ERBB4: variants seen among roughly 807,000 people sequenced by gnomAD.
ERBB4 encodes erb-b2 receptor tyrosine kinase 4.
In ERBB4, 42 loss-of-function variants were observed where a neutral mutation model predicts 158.0. That is an observed-to-expected ratio of 0.27 (90% CI 0.21 to 0.34). The LOEUF (loss-of-function observed/expected upper bound fraction) is 0.34, where lower values mean the gene tolerates loss of function less well. Ranked by LOEUF, ERBB4 falls within the 10% of genes least tolerant of loss-of-function variation. The pLI, the probability that ERBB4 is intolerant of heterozygous loss-of-function variation, is 1.00. For missense variants in ERBB4, 1,333 were observed against 1,624.1 expected (o/e 0.82, Z 3.08); for synonymous variants, 583 against 558.7 (o/e 1.04, Z -0.61).
intron 2 of ERBB4, among the ~76,000 whole-genome samples, chr2:212,115,787 G>A (rs978957337): frequency 2.0e-5 from 3 of 152,016 alleles, no homozygotes; most frequent in South Asian, 2.1e-4. Context: ...GTGATTGCAG[G>A]TGTGAGCCAC....
chr2:211,667,910 A>G (rs1383511823), intron 14 of ERBB4, among the ~76,000 whole-genome samples: 1 of 152,206 alleles, frequency 6.6e-6, no homozygotes, highest in Non-Finnish European at 1.5e-5. Context: ...TCTCTTAACT[A>G]TAGTCATGTG....
At chr2:211,392,049 G>A (rs150742504) in intron 25 of ERBB4, among the ~76,000 whole-genome samples, 31 of 152,150 alleles carry the variant, frequency 2.0e-4, no homozygotes, top group African/African-American at 5.5e-4. Context: ...TCTGTAAGAC[G>A]TTGCTAATCC....
chr2:211,623,570 A>G (rs1405155081), intron 18 of ERBB4, among the ~76,000 whole-genome samples: 2 of 152,200 alleles, frequency 1.3e-5, no homozygotes, highest in African/African-American at 4.8e-5. Context: ...TCTGGGGTTC[A>G]TGGAGCACTG....
At chr2:212,448,475 C>T (rs2092396759) in intron 1 of ERBB4, among the ~76,000 whole-genome samples, 1 of 152,148 alleles carries the variant, frequency 6.6e-6, no homozygotes, top group Non-Finnish European at 1.5e-5. Context: ...TGTATTCAGC[C>T]ATGTGTATAA....
At chr2:211,929,986 G>C (rs12233228) in intron 3 of ERBB4, among the ~76,000 whole-genome samples, 3,949 of 152,172 alleles carry the variant, frequency 0.026, 179 homozygotes, top group East Asian at 0.2. Flanking sequence ...TTCCAGGTAT[G>C]TGTCAATATT....
chr2:211,886,491 A>G (rs2078804795), intron 3 of ERBB4, among the ~76,000 whole-genome samples: 1 of 152,232 alleles, frequency 6.6e-6, no homozygotes, highest in Admixed American at 6.5e-5. Context: ...ATAATTTCTA[A>G]CTAAAAATTT....
At chr2:211,973,228 G>A (rs905790272) in intron 2 of ERBB4, among the ~76,000 whole-genome samples, 1 of 149,662 alleles carries the variant, frequency 6.7e-6, no homozygotes, top group Non-Finnish European at 1.5e-5. Context: ...TTGAAATGGA[G>A]TCTCGCTCTT....
chr2:212,536,997 C>T (rs928721821), intron 1 of ERBB4, among the ~76,000 whole-genome samples: 2 of 152,052 alleles, frequency 1.3e-5, no homozygotes, highest in Non-Finnish European at 2.9e-5. Context: ...GGCTGGAGCG[C>T]GGGACCTGGT....
intron 1 of ERBB4, among the ~76,000 whole-genome samples, chr2:212,302,125 T>A (rs1258348765): frequency 1.3e-5 from 2 of 151,540 alleles, no homozygotes; most frequent in East Asian, 3.9e-4. Flanking sequence ...AGACATGTGA[T>A]CTTGGGCAAG....
intron 1 of ERBB4, among the ~76,000 whole-genome samples, chr2:212,145,557 G>C (rs1191768412): frequency 6.6e-6 from 1 of 151,978 alleles, no homozygotes; most frequent in Non-Finnish European, 1.5e-5. Flanking sequence ...TTGCTATTCA[G>C]ACTTCCAGTG....
rs1553576307 is a variant in ERBB4, at chr2:211,580,907, A to ATACACAC, written c.2302-18820_2302-18819insGTGTGTA. 1.5e-4 allele frequency among the ~76,000 whole-genome samples: 14 copies of ATACACAC among 91,800 alleles called. 2 individuals are homozygous for ATACACAC. The highest frequency in any genetic ancestry group is 4.9e-4 in the African/African-American group (12 of 24,398). The allele number at this position is 91,800 out of a possible 152,430, so 60.2% of individuals were successfully genotyped here. ...TATATATATATATATATATATATAT[A>ATACACAC]TATATATATGATGGAATACTACTTA... On this transcript the variant is annotated intron_variant, in intron 19 of 27. Coordinates refer to ENST00000342788, the MANE Select transcript of ERBB4 (RefSeq NM_005235.3).
At chr2:212,091,180 G>A (rs1409455017) in intron 2 of ERBB4, among the ~76,000 whole-genome samples, 2 of 140,300 alleles carry the variant, frequency 1.4e-5, no homozygotes, top group Non-Finnish European at 3.1e-5. Flanking sequence ...GGAAGAGGAA[G>A]CTGAAGAGCA....
At chr2:212,429,184 A>G (rs2091974537) in intron 1 of ERBB4, 1 of 152,228 alleles carries the variant, frequency 6.6e-6, no homozygotes, top group Non-Finnish European at 1.5e-5. Flanking sequence ...CAGAGCAGCA[A>G]TGACCTTCCC....
intron 3 of ERBB4, among the ~76,000 whole-genome samples, chr2:211,941,084 A>T (rs1401158779): frequency 1.3e-5 from 2 of 152,104 alleles, no homozygotes; most frequent in Non-Finnish European, 2.9e-5. Context: ...TCTTTAAAAC[A>T]CTGATGAGAG....
At chr2:211,714,804 T>C (rs1233114458) in intron 7 of ERBB4, among the ~76,000 whole-genome samples, 2 of 152,178 alleles carry the variant, frequency 1.3e-5, no homozygotes, top group Admixed American at 1.3e-4. Flanking sequence ...GAGCATTCCA[T>C]TGTAAAATTA....
At chr2:211,803,371 G>A (rs745967990) in intron 3 of ERBB4, among the ~76,000 whole-genome samples, 14 of 152,154 alleles carry the variant, frequency 9.2e-5, no homozygotes, top group Non-Finnish European at 1.8e-4. Flanking sequence ...TATCACCGAA[G>A]AGTCCAGAAG....
At chr2:212,252,162 G>A (rs1352398612) in intron 1 of ERBB4, among the ~76,000 whole-genome samples, 1 of 152,032 alleles carries the variant, frequency 6.6e-6, no homozygotes, top group Non-Finnish European at 1.5e-5. Flanking sequence ...AATTTACTGC[G>A]ATGACATATA....
chr2:212,435,211 T>C lies in ERBB4; in HGVS notation c.82+103238A>G, dbSNP rs1375795726. On this transcript the variant is annotated intron_variant, in intron 1 of 27. Coordinates refer to ENST00000342788, the MANE Select transcript of ERBB4 (RefSeq NM_005235.3). ...CCTTCTGGTGCCCTCCTGTTTTCAG[T>C]GCCCATCTCCTACCATACTACCTAA... Among the ~76,000 whole-genome samples, 4 of 152,132 alleles carry C rather than the reference T, an allele frequency of 2.6e-5. No homozygotes were observed. In the East Asian group the frequency reaches 7.7e-4, roughly 29 times the overall value.
At chr2:211,872,689 ATTG>A (rs1175433203) in intron 3 of ERBB4, among the ~76,000 whole-genome samples, 1 of 152,134 alleles carries the variant, frequency 6.6e-6, no homozygotes, top group Non-Finnish European at 1.5e-5. Flanking sequence ...GTTAGAAATA[ATTG>A]TTGTGCATTT....
Sources: allele counts gnomAD v4.1 joint callset (sites outside exome capture counted in the v4.1 genomes callset), GRCh38; gene constraint gnomAD v4.1.1; transcripts MANE v1.5; gene names NCBI Gene and HGNC (gene_info 2026-07-23, HGNC 2026-07-21).